MYH2: variants seen among roughly 807,000 people sequenced by gnomAD.
MYH2 encodes myosin heavy chain 2.
In MYH2, 139 loss-of-function variants were observed where a neutral mutation model predicts 228.1. The observed-to-expected ratio is 0.61, with a 90% CI of 0.53 to 0.70. The LOEUF (loss-of-function observed/expected upper bound fraction) is 0.70, where lower values mean the gene tolerates loss of function less well. Among genes scored for constraint, MYH2 ranks in the 30% least tolerant of loss-of-function variants. The pLI, the probability that MYH2 is intolerant of heterozygous loss-of-function variation, is 0.00. For missense variants in MYH2, 1,809 were observed against 2,357.5 expected, an observed-to-expected ratio of 0.77 and a Z score of 4.82; for synonymous variants, 796 against 871.1, an observed-to-expected ratio of 0.91 and a Z score of 1.52.
Position 10,535,382 on chromosome 17 carries a change from A to C in MYH2, c.1975-17T>G, listed in dbSNP as rs769375618. Reference sequence around the variant, plus strand: ...CAAATTCTCCTGTAAAACCAGGAAAAATCCTGTCATTTTAGGCTCTAGACA... The same window carrying C: ...CAAATTCTCCTGTAAAACCAGGAAACATCCTGTCATTTTAGGCTCTAGACA... On this transcript the variant is annotated splice_polypyrimidine_tract_variant and intron_variant, in intron 17 of 39. Transcript: ENST00000245503. 4 of 1,606,354 alleles carry C rather than the reference A, an allele frequency of 2.5e-6. No individual in the cohort carries two copies. The Admixed American group carries it at 6.7e-5, about 27-fold the overall frequency.
At chr17:10,521,778 A>AT (rs561331213) in intron 39 of MYH2, among the ~76,000 whole-genome samples, 131 of 151,938 alleles carry the variant, frequency 8.6e-4, no homozygotes, top group African/African-American at 2.8e-3. Context: ...CTTGAGTTAG[A>AT]TTTTTTTTAT....
rs1345130125 is a variant in MYH2, at chr17:10,537,662, A to C, written c.1587+3T>G. 1 of 1,614,114 alleles carries C rather than the reference A, an allele frequency of 6.2e-7. No homozygotes were observed. Among genetic ancestry groups the C allele is most frequent in the African/African-American group, 1.3e-5 (1 of 74,944 alleles). The stretch of plus-strand genomic sequence containing the variant: ...AATATGGTTTCAGAAATGCAAAACC[A>C]ACCTTCTCGATGAGCTCGATGCAGG... On this transcript the variant is annotated splice_donor_region_variant and intron_variant, in intron 15 of 39. Transcript: ENST00000245503. This position sits in a 1 kb window ranked among gnomAD's most constrained non-coding sequence, Gnocchi z 4.0.
rs1597455645 is a variant in MYH2 at position 10,539,542 on chromosome 17, G to A, written c.1168C>T (p.Leu390Phe). ...GTEVADKAAY[L>F]QSLNSADLLK... ...AGATCTGCAGAGTTCAGACTCTGGA[G>A]GTAGGCCGCCTTGTCAGCAACTAAA... The change falls in exon 13 of 40, where the codon CTC (leucine) becomes TTC (phenylalanine). Residue 390 changes from leucine to phenylalanine, a missense_variant. Coordinates refer to ENST00000245503, the MANE Select transcript of MYH2 (RefSeq NM_017534.6). The A allele has an allele frequency of 6.2e-7, 1 of 1,614,094 alleles. No homozygotes were observed. The highest frequency in any genetic ancestry group is 8.5e-7 in the Non-Finnish European group (1 of 1,179,998).
Position 10,539,960 on chromosome 17 carries a change from C to T in MYH2, c.1115G>A (p.Arg372His), listed in dbSNP as rs750569547. The change falls in exon 12 of 40, where the codon CGT (arginine) becomes CAT (histidine). Residue 372 changes from arginine to histidine, a missense_variant. Physicochemically the swap from Arg to His is conservative, Grantham distance 29. This residue lies in a region of MYH2 where 373 missense variants were observed against 620.4 expected (regional missense o/e 0.60). Coordinates refer to ENST00000245503, the MANE Select transcript of MYH2 (RefSeq NM_017534.6). ...GCCATCTGGCTCTGCTTGCTCCTCA[C>T]GCTGCTTTTGCTTAAATTTTAGGTT... The part of the protein sequence containing the change: ...YGNLKFKQKQ[R>H]EEQAEPDGTE... 21 of 1,613,956 alleles carry T rather than the reference C, an allele frequency of 1.3e-5. No homozygotes were observed. The highest frequency in any genetic ancestry group is 8.0e-5 in the African/African-American group (6 of 74,892).
chr17:10,541,534 G>A (rs1282120228), intron 10 of MYH2, among the ~76,000 whole-genome samples: 1 of 152,112 alleles, frequency 6.6e-6, no homozygotes, highest in Non-Finnish European at 1.5e-5. Flanking sequence ...AACTTTATTA[G>A]CAATTTTAAT....
rs528727115 is a variant in MYH2 at position 10,543,598 on chromosome 17, A to G, written c.741+113T>C. On this transcript the variant is annotated intron_variant, in intron 8 of 39. Coordinates refer to ENST00000245503, the MANE Select transcript of MYH2 (RefSeq NM_017534.6). ...TTATTACATGCTCAGAGGAAAAGGA[A>G]AGAACAATGATGTAATAGAATGGGA... 3.5e-5 allele frequency: 52 copies of G among 1,468,632 alleles called. 2 individuals are homozygous for G. The highest frequency in any genetic ancestry group is 4.6e-5 in the Non-Finnish European group (49 of 1,057,486). 91.0% of individuals were successfully genotyped at this position (1,468,632 alleles called of 1,614,324 possible).
chr17:10,541,974 C>T (rs941081996), intron 10 of MYH2, among the ~76,000 whole-genome samples: 2 of 152,084 alleles, frequency 1.3e-5, no homozygotes, highest in African/African-American at 4.8e-5. Flanking sequence ...CTTATAAATC[C>T]TTATTAAAAA....
In MYH2 at chr17:10,524,744, T is replaced by C; in HGVS notation, c.4971+13A>G. The C allele has an allele frequency of 1.2e-6, 2 of 1,614,218 alleles. No homozygotes were observed. The highest frequency in any genetic ancestry group is 1.7e-6 in the Non-Finnish European group (2 of 1,180,044). ...CCCCAATAGTCCTGGGACCATCTCT[T>C]GGACATATTTACCTTGAGGATGCCT... On this transcript the variant is annotated intron_variant, in intron 34 of 39. Transcript: ENST00000245503. This position sits in a 1 kb window ranked among gnomAD's most constrained non-coding sequence, Gnocchi z 4.7.
chr17:10,545,180 T>A (rs1208077279), intron 5 of MYH2, among the ~76,000 whole-genome samples, 166 bp downstream of exon 5: 1 of 152,202 alleles, frequency 6.6e-6, no homozygotes, highest in Non-Finnish European at 1.5e-5. Context: ...ATATTACGCA[T>A]TACAAATCAG....
At chr17:10,528,613 T>C in intron 27 of MYH2, 77 bp downstream of exon 27, 1 of 1,606,562 alleles carries the variant, frequency 6.2e-7, no homozygotes, top group Non-Finnish European at 8.5e-7. Context: ...ACTTAATGTG[T>C]AAAAAGTGCC....
intron 37 of MYH2, 34 bp from the exon 38 acceptor site, chr17:10,523,446 CAAT>C (rs1567726714): frequency 6.2e-7 from 1 of 1,614,182 alleles, no homozygotes; most frequent in Admixed American, 1.7e-5. Flanking sequence ...AACTTTGATC[CAAT>C]AAGGCACTGA....
intron 22 of MYH2, among the ~76,000 whole-genome samples, chr17:10,531,007 G>T (rs958474060): frequency 5.3e-5 from 8 of 152,210 alleles, no homozygotes; most frequent in African/African-American, 1.9e-4. Flanking sequence ...GTTCTAAAAT[G>T]ATTGGTTCAG....
At position 10,525,410 on chromosome 17, in the gene MYH2, C is replaced by T; in HGVS notation, c.4537+41G>A. On this transcript the variant is annotated intron_variant, in intron 32 of 39. Transcript: ENST00000245503. This position sits in a 1 kb window ranked among gnomAD's most constrained non-coding sequence, Gnocchi z 4.2. ...AAACATGTGACATAAGGGAGAGATT[C>T]TTCCAAGTTATGAATATTATTGAAT... The T allele has an allele frequency of 1.2e-6, 2 of 1,614,072 alleles. No individual in the cohort carries two copies. Among genetic ancestry groups the T allele is most frequent in the South Asian group, 1.1e-5 (1 of 91,068 alleles).
rs781136210 is a variant in MYH2, at chr17:10,529,009, C to T, written c.3425G>A (p.Arg1142His). 2.2e-5 allele frequency: 35 copies of T among 1,614,096 alleles called. No individual in the cohort carries two copies. The highest frequency in any genetic ancestry group is 9.3e-5 in the African/African-American group (7 of 74,942). Residue 1142 changes from arginine (R) to histidine (H), a missense_variant, in exon 27 of 40, where the codon CGC becomes CAC. Around this residue, in one of 9 missense-constraint regions of MYH2, gnomAD observed 636 missense variants for 729.9 expected, o/e 0.87. Coordinates refer to ENST00000245503, the MANE Select transcript of MYH2 (RefSeq NM_017534.6). ...CTCCAGCTCCCGGGAGAGGTCAGAG[C>T]GCTGCTTCTCTGCTTTGGCCCGGGA... is the stretch of plus-strand genomic sequence containing the variant. ...RASRAKAEKQ[R>H]SDLSRELEEI... is the part of the protein sequence containing the mutation.
intron 10 of MYH2, among the ~76,000 whole-genome samples, chr17:10,541,588 T>C (rs1192297995): frequency 3.3e-5 from 5 of 152,204 alleles, no homozygotes; most frequent in Non-Finnish European, 1.5e-5. Flanking sequence ...ATTTGCCTTG[T>C]AATATTTTAT....
chr17:10,538,966 A>C lies in MYH2; in HGVS notation c.1416+239T>G, dbSNP rs528493525. ...TAAAATAGACCTTCAATCCCACTGT[A>C]CTAAGCTAATTCAGAACTCCCTTTG... On this transcript the variant is annotated intron_variant, in intron 14 of 39. Transcript: ENST00000245503. Among the ~76,000 whole-genome samples the C allele has an allele frequency of 3.2e-4, 49 of 152,294 alleles. No individual in the cohort carries two copies. In the South Asian group the frequency reaches 5.6e-3, roughly 17 times the overall value.
rs1380637730 is a variant in MYH2 at position 10,547,473 on chromosome 17, A to G, written c.348+2T>C. ...TACAGAGCACTGGCAGGGGACACTC[A>G]CGTAGATCATCCAGGCTGCATAACG... On this transcript the variant is annotated splice_donor_variant, in intron 4 of 39. Transcript: ENST00000245503. LOFTEE classifies it high-confidence loss of function. 1 of 1,613,892 alleles carries G rather than the reference A, an allele frequency of 6.2e-7. No homozygotes were observed. Among genetic ancestry groups the G allele is most frequent in the Non-Finnish European group, 8.5e-7 (1 of 1,179,782 alleles).
Position 10,549,376 on chromosome 17 carries a change from T to G in MYH2, c.-22A>C, listed in dbSNP as rs1354965724. 6.5e-6 allele frequency: 1 copy of G among 152,676 alleles called. No individual in the cohort carries two copies. Among genetic ancestry groups the G allele is most frequent in the East Asian group, 1.9e-4 (1 of 5,202 alleles). The allele number at this position is 152,676 out of a possible 1,614,324, so 9.5% of individuals were successfully genotyped here. On this transcript the variant is annotated splice_region_variant and 5_prime_UTR_variant, in exon 2 of 40. Transcript: ENST00000245503. ...GGAACTGGTTAGTCCAAATCTTACC[T>G]TGTTAGCAAGTGAGAAGATGTAGCC...
rs751567583 is a variant in MYH2, at chr17:10,523,893, A to G, written c.5176-9T>C. 6.2e-6 allele frequency: 10 copies of G among 1,612,514 alleles called. No individual in the cohort carries two copies. In the South Asian group the frequency reaches 9.9e-5, roughly 16 times the overall value. On this transcript the variant is annotated splice_polypyrimidine_tract_variant and intron_variant, in intron 35 of 39. Coordinates refer to ENST00000245503, the MANE Select transcript of MYH2 (RefSeq NM_017534.6). ...TTGATCAGGCTGGTGTTCTGTTTAA[A>G]AAGAATTTGTACATTTAAAAAATTG...
Sources: gnomAD v4.1 joint callset for allele counts (sites outside exome capture counted in the v4.1 genomes callset) on GRCh38, gnomAD v4.1.1 for gene constraint, gnomAD v4.1.1 regional missense constraint, Gnocchi (gnomAD v3.1) non-coding constraint, MANE v1.5 for transcripts, NCBI Gene and HGNC (gene_info 2026-07-23, HGNC 2026-07-21) for gene names.